DOCK2: variants seen among roughly 807,000 people sequenced by gnomAD.
DOCK2 encodes the protein dedicator of cytokinesis protein 2.
Under a neutral mutation model 248.9 loss-of-function variants are expected in DOCK2, and 87 were observed. That is an observed-to-expected ratio of 0.35 (90% confidence interval 0.29 to 0.42). DOCK2 has a LOEUF of 0.42. Among genes scored for constraint, DOCK2 ranks in the 10% least tolerant of loss-of-function variants. DOCK2 has a pLI of 1.00. For synonymous variants in DOCK2, 805 were observed against 821.6 expected, an observed-to-expected ratio of 0.98 and a Z score of 0.35; for missense variants, 1,747 against 2,300.2, an observed-to-expected ratio of 0.76 and a Z score of 4.92.
At chr5:169,863,311 G>A (rs1252787641) in intron 27 of DOCK2, among the ~76,000 whole-genome samples, 3 of 152,174 alleles carry the variant, frequency 2.0e-5, no homozygotes, top group Non-Finnish European at 1.5e-5. Context: ...CTATCTACAC[G>A]GCTGTTTCTG....
chr5:169,725,089 A>G (rs1397351881), intron 22 of DOCK2, among the ~76,000 whole-genome samples: 1 of 152,234 alleles, frequency 6.6e-6, no homozygotes, highest in East Asian at 1.9e-4. Context: ...ATGAGCTGAA[A>G]TGCCTGTGAC....
chr5:170,009,869 G>T (rs1030674726), intron 32 of DOCK2, among the ~76,000 whole-genome samples: 2 of 152,206 alleles, frequency 1.3e-5, no homozygotes, highest in African/African-American at 4.8e-5. Flanking sequence ...AGAAGTACAT[G>T]CTGGATAACA....
intron 23 of DOCK2, among the ~76,000 whole-genome samples, chr5:169,753,189 A>G (rs1763996728): frequency 6.6e-6 from 1 of 152,268 alleles, no homozygotes; most frequent in African/African-American, 2.4e-5. Flanking sequence ...CAACAACCTT[A>G]TAAGACAAAT....
chr5:170,021,977 G>A (rs1755744161), intron 33 of DOCK2, among the ~76,000 whole-genome samples: 1 of 152,154 alleles, frequency 6.6e-6, no homozygotes, highest in African/African-American at 2.4e-5. Flanking sequence ...AGAAGAACCA[G>A]GTCCCCAGAA....
Position 169,717,182 on chromosome 5 carries a change from C to G in DOCK2, c.2032-202C>G, listed in dbSNP as rs963929947. ...TCAAAACCTATTTGACCATGAAATC[C>G]TTTTCATCTTATAACACCCCACAGC... On this transcript the variant is annotated intron_variant, in intron 20 of 51. Transcript: ENST00000520908. Among the ~76,000 whole-genome samples the G allele has an allele frequency of 2.0e-5, 3 of 152,172 alleles. No individual in the cohort carries two copies. In the South Asian group the frequency reaches 6.2e-4, roughly 32 times the overall value.
rs184472959 is a variant in DOCK2, at chr5:169,690,877, G to C, written c.843+1544G>C. 1.8e-3 allele frequency among the ~76,000 whole-genome samples: 275 copies of C among 152,328 alleles called. 1 individual carries two copies. Among genetic ancestry groups the C allele is most frequent in the African/African-American group, 6.4e-3 (265 of 41,570 alleles). On this transcript the variant is annotated intron_variant, in intron 9 of 51. Transcript: ENST00000520908. Reference sequence around the variant, plus strand: ...CGCTCCTCAGAACAAGTGGAGTTGAGAGCCTTGGTTGACAGGCTCAACAGG... The same window carrying C: ...CGCTCCTCAGAACAAGTGGAGTTGACAGCCTTGGTTGACAGGCTCAACAGG...
intron 23 of DOCK2, among the ~76,000 whole-genome samples, chr5:169,752,384 A>G (rs1398887534): frequency 2.0e-5 from 3 of 152,052 alleles, no homozygotes; most frequent in Non-Finnish European, 4.4e-5. Flanking sequence ...TATATCCCCA[A>G]TGTCTGGAAC....
intron 27 of DOCK2, among the ~76,000 whole-genome samples, chr5:169,857,676 C>T (rs1209019187): frequency 6.6e-6 from 1 of 151,388 alleles, no homozygotes; most frequent in Non-Finnish European, 1.5e-5. Flanking sequence ...TCTTTCTATT[C>T]CTCAGGGACT....
rs547895097 is a variant in DOCK2, at chr5:169,812,520, C to A, written c.2703+9314C>A. On this transcript the variant is annotated intron_variant, in intron 26 of 51. Transcript: ENST00000520908. Reference sequence around the variant, plus strand: ...TCCAAAAACCACCTGCCCCACCATCCGTTTTGTGAAAAAATTGTCTTCCAT... The same window carrying A: ...TCCAAAAACCACCTGCCCCACCATCAGTTTTGTGAAAAAATTGTCTTCCAT... 3.3e-5 allele frequency among the ~76,000 whole-genome samples: 5 copies of A among 152,298 alleles called. No individual in the cohort carries two copies. In the East Asian group the frequency reaches 5.8e-4, roughly 18 times the overall value.
rs548951975 is a variant in DOCK2, at chr5:169,913,858, TGAGCAA to T, written c.2800-69207_2800-69202del. ...TCCCATTTAAGAACTTTTTGTATAC[TGAGCAA>T]GAAGCTTAGAGGACATTATCTCTTT... On this transcript the variant is annotated intron_variant, in intron 27 of 51. Coordinates refer to ENST00000520908, the MANE Select transcript of DOCK2 (RefSeq NM_004946.3). Among the ~76,000 whole-genome samples the T allele has an allele frequency of 4.6e-3, 698 of 152,364 alleles. 3 individuals are homozygous for T. Among genetic ancestry groups the T allele is most frequent in the African/African-American group, 0.016 (654 of 41,584 alleles).
intron 44 of DOCK2, among the ~76,000 whole-genome samples, chr5:170,062,381 A>G (rs1410782295): frequency 2.0e-5 from 3 of 152,146 alleles, no homozygotes; most frequent in African/African-American, 7.2e-5. Context: ...TCCCTCTGAG[A>G]GAAACTCAGA....
intron 27 of DOCK2, among the ~76,000 whole-genome samples, chr5:169,869,178 C>T (rs1771783126): frequency 6.6e-6 from 1 of 152,178 alleles, no homozygotes; most frequent in Non-Finnish European, 1.5e-5. Flanking sequence ...AGTAGCTGCG[C>T]ACCTTACCAG....
Position 169,985,825 on chromosome 5 carries a change from C to T in DOCK2, c.2899-3C>T. On this transcript the variant is annotated splice_polypyrimidine_tract_variant and splice_region_variant and intron_variant, in intron 28 of 51. Coordinates refer to ENST00000520908, the MANE Select transcript of DOCK2 (RefSeq NM_004946.3). ...ACATGTGTGCTGTGCTTCATTGTTT[C>T]AGGACTTCTTGATGGAGACCTTCAT... is the stretch of plus-strand genomic sequence containing the variant. 6.2e-7 allele frequency: 1 copy of T among 1,605,472 alleles called. No homozygotes were observed. Among genetic ancestry groups the T allele is most frequent in the Non-Finnish European group, 8.5e-7 (1 of 1,174,922 alleles).
At chr5:169,693,984 A>C (rs533439228) in intron 9 of DOCK2, among the ~76,000 whole-genome samples, 2 of 152,328 alleles carry the variant, frequency 1.3e-5, no homozygotes, top group South Asian at 4.1e-4. Flanking sequence ...AAATACCTTC[A>C]TAGCAATATC....
intron 27 of DOCK2, among the ~76,000 whole-genome samples, chr5:169,967,815 A>G (rs1223472784): frequency 1.3e-5 from 2 of 151,738 alleles, no homozygotes; most frequent in Non-Finnish European, 2.9e-5. Context: ...ACTCAAGACA[A>G]ATTTCTTTTC....
At chr5:169,946,959 A>G (rs1776476757) in intron 27 of DOCK2, among the ~76,000 whole-genome samples, 1 of 152,064 alleles carries the variant, frequency 6.6e-6, no homozygotes, top group Non-Finnish European at 1.5e-5. Context: ...GAGTTTTGCC[A>G]TATGGGAGGA....
At chr5:169,819,796 C>T (rs962944258) in intron 26 of DOCK2, among the ~76,000 whole-genome samples, 1 of 152,156 alleles carries the variant, frequency 6.6e-6, no homozygotes, top group Admixed American at 6.5e-5. Context: ...GGCAGCACAC[C>T]GAGCGTGCGC....
chr5:170,018,941 T>A lies in DOCK2; in HGVS notation c.3233-19T>A, dbSNP rs772672430. The stretch of plus-strand genomic sequence containing the variant: ...GTCGCCGAACTGTTTTATGTGTTCA[T>A]GTTCCTCTTCTCTTTCAGGTCAGAA... On this transcript the variant is annotated intron_variant, in intron 32 of 51. Coordinates refer to ENST00000520908, the MANE Select transcript of DOCK2 (RefSeq NM_004946.3). The A allele has an allele frequency of 1.2e-6, 2 of 1,613,298 alleles. No homozygotes were observed. Among genetic ancestry groups the A allele is most frequent in the Admixed American group, 3.3e-5 (2 of 59,962 alleles).
chr5:169,932,715 G>A (rs1039342578), intron 27 of DOCK2, among the ~76,000 whole-genome samples: 1 of 152,126 alleles, frequency 6.6e-6, no homozygotes, highest in African/African-American at 2.4e-5. Flanking sequence ...GTCTCCAGAA[G>A]TGACTTATAT....
Sources: gnomAD v4.1 joint callset for allele counts (sites outside exome capture counted in the v4.1 genomes callset) on GRCh38, gnomAD v4.1.1 for gene constraint, MANE v1.5 for transcripts, NCBI Gene and HGNC (gene_info 2026-07-23, HGNC 2026-07-21) for gene names.